TLL1: variants seen among roughly 807,000 people sequenced by gnomAD.
TLL1 encodes tolloid-like protein 1.
TLL1 carries 49 observed loss-of-function variants against 128.2 expected under a neutral mutation model. The ratio of observed to expected loss-of-function variants is 0.38; its 90% CI spans 0.30 to 0.48. TLL1 has a LOEUF of 0.48. TLL1 is among the 20% of genes least tolerant of loss of function. The pLI is 0.96. For missense variants in TLL1, 1,123 were observed against 1,242.0 expected, an observed-to-expected ratio of 0.90 and a Z score of 1.44; for synonymous variants, 454 against 418.8, an observed-to-expected ratio of 1.08 and a Z score of -1.03.
chr4:165,880,192 G>A (rs1730914958), intron 1 of TLL1, among the ~76,000 whole-genome samples: 1 of 152,148 alleles, frequency 6.6e-6, no homozygotes, highest in Non-Finnish European at 1.5e-5. Context: ...CCCTAAAAAT[G>A]GAATACTGAC....
intron 11 of TLL1, 90 bp downstream of exon 11, chr4:166,042,233 A>G: frequency 1.2e-6 from 1 of 861,458 alleles, no homozygotes; most frequent in Non-Finnish European, 1.9e-6. Context: ...CATTGTGACC[A>G]TATTGTAAAA....
At chr4:165,999,586 G>A (rs1054568484) in intron 5 of TLL1, among the ~76,000 whole-genome samples, 13 of 151,838 alleles carry the variant, frequency 8.6e-5, no homozygotes, top group Admixed American at 4.6e-4. Flanking sequence ...GATGAGATTT[G>A]GGTTGGGACA....
At chr4:166,040,438 CATATT>C (rs1342580126) in intron 10 of TLL1, among the ~76,000 whole-genome samples, 12 of 152,166 alleles carry the variant, frequency 7.9e-5, no homozygotes, top group Admixed American at 4.6e-4. Context: ...TCATTAAACT[CATATT>C]AGAGAAACAA....
chr4:166,085,309 A>G (rs987758293), intron 18 of TLL1, among the ~76,000 whole-genome samples: 5 of 150,100 alleles, frequency 3.3e-5, no homozygotes, highest in Non-Finnish European at 7.4e-5. Context: ...GACCTCCGGT[A>G]CTATACTGAA....
At chr4:166,027,344 G>T (rs1195072350) in intron 9 of TLL1, among the ~76,000 whole-genome samples, 1 of 152,110 alleles carries the variant, frequency 6.6e-6, no homozygotes, top group Non-Finnish European at 1.5e-5. Flanking sequence ...ACTCTCATTA[G>T]CCGTGGTGGG....
intron 1 of TLL1, among the ~76,000 whole-genome samples, chr4:165,941,679 T>C (rs900990800): frequency 2.0e-5 from 3 of 152,144 alleles, no homozygotes; most frequent in Non-Finnish European, 4.4e-5. Flanking sequence ...AACTTAAAAT[T>C]AATCTAAATG....
chr4:165,982,208 G>A (rs934211024), intron 1 of TLL1, among the ~76,000 whole-genome samples: 1 of 151,894 alleles, frequency 6.6e-6, no homozygotes, highest in Admixed American at 6.6e-5. Flanking sequence ...TAATGTCAGG[G>A]AGGGTGCCTT....
At chr4:165,954,868 C>T (rs1910383) in intron 1 of TLL1, among the ~76,000 whole-genome samples, 116,216 of 152,010 alleles carry the variant, frequency 0.76, 45,325 homozygotes, top group African/African-American at 0.91. Flanking sequence ...AGATAATGAA[C>T]GCAAGAATTC....
intron 8 of TLL1, among the ~76,000 whole-genome samples, chr4:166,015,664 C>A (rs114477919): frequency 0.013 from 1,948 of 151,908 alleles, 41 homozygotes; most frequent in African/African-American, 0.045. Flanking sequence ...AACTCAAGTG[C>A]AAGCAAGAAA....
chr4:166,054,172 A>C (rs1739891005), intron 12 of TLL1, among the ~76,000 whole-genome samples: 1 of 139,814 alleles, frequency 7.2e-6, no homozygotes, highest in Admixed American at 7.1e-5. Flanking sequence ...CATCCAAACA[A>C]GGCCATATTT....
chr4:165,983,852 C>G (rs1295150396), intron 1 of TLL1, among the ~76,000 whole-genome samples: 2 of 151,670 alleles, frequency 1.3e-5, no homozygotes, highest in East Asian at 3.9e-4. Flanking sequence ...TTTCAAATGG[C>G]CAGGTAAAAA....
intron 1 of TLL1, among the ~76,000 whole-genome samples, chr4:165,906,904 T>C (rs538096472): frequency 2.6e-5 from 4 of 151,974 alleles, no homozygotes; most frequent in African/African-American, 9.6e-5. Context: ...ATTTCCAAAT[T>C]TTTAGTTTCA....
At chr4:166,034,142 T>C (rs1318889770) in intron 9 of TLL1, among the ~76,000 whole-genome samples, 1 of 152,152 alleles carries the variant, frequency 6.6e-6, no homozygotes, top group Non-Finnish European at 1.5e-5. Context: ...ACTTATAACC[T>C]AGTAATATAA....
chr4:165,937,080 A>T, intron 1 of TLL1, among the ~76,000 whole-genome samples: 1 of 152,204 alleles, frequency 6.6e-6, no homozygotes, highest in East Asian at 1.9e-4. Context: ...AATATGATTT[A>T]TAAAACTCAG....
intron 9 of TLL1, among the ~76,000 whole-genome samples, chr4:166,028,331 A>G (rs1738600930): frequency 6.6e-6 from 1 of 151,970 alleles, no homozygotes; most frequent in Non-Finnish European, 1.5e-5. Flanking sequence ...TTCTTTGCAA[A>G]CATTGTTTCT....
intron 8 of TLL1, 101 bp downstream of exon 8, chr4:166,014,661 G>T (rs1160044938): frequency 8.3e-6 from 13 of 1,557,024 alleles, no homozygotes; most frequent in African/African-American, 1.4e-5. Context: ...CTCCCTCCCT[G>T]TTGGCAAGTG....
At chr4:166,074,004 A>T (rs543416339) in intron 16 of TLL1, among the ~76,000 whole-genome samples, 3 of 152,188 alleles carry the variant, frequency 2.0e-5, no homozygotes, top group African/African-American at 7.2e-5. Flanking sequence ...GCCAGTTTTG[A>T]CGTTAATGGA....
At chr4:165,945,896 G>A (rs1460106366) in intron 1 of TLL1, among the ~76,000 whole-genome samples, 4 of 152,222 alleles carry the variant, frequency 2.6e-5, no homozygotes, top group African/African-American at 7.2e-5. Context: ...AACAGCACAC[G>A]TTAAAACTGA....
intron 1 of TLL1, among the ~76,000 whole-genome samples, chr4:165,884,178 C>G (rs994585432): frequency 6.6e-6 from 1 of 152,230 alleles, no homozygotes; most frequent in African/African-American, 2.4e-5. Context: ...ATAGTCTTCA[C>G]ATTGCCATTT....
Sources: allele counts gnomAD v4.1 joint callset (sites outside exome capture counted in the v4.1 genomes callset), GRCh38; gene constraint gnomAD v4.1.1; transcripts MANE v1.5; gene names NCBI Gene and HGNC (gene_info 2026-07-23, HGNC 2026-07-21).